Variants in TESK2 observed in about 807,000 individuals in gnomAD.
TESK2 encodes dual specificity testis-specific protein kinase 2.
Under a neutral mutation model 57.1 loss-of-function variants are expected in TESK2, and 39 were observed. The observed-to-expected ratio is 0.68, with a 90% CI of 0.53 to 0.89. The LOEUF is 0.89. TESK2 is among the 40% of genes least tolerant of loss of function. The pLI is 0.00. For synonymous variants in TESK2, 249 were observed against 267.9 expected, an observed-to-expected ratio of 0.93 and a Z score of 0.69; for missense variants, 646 against 732.1, an observed-to-expected ratio of 0.88 and a Z score of 1.36.
intron 1 of TESK2, among the ~76,000 whole-genome samples, chr1:45,466,493 A>C (rs1237889288): frequency 6.7e-6 from 1 of 149,512 alleles, no homozygotes; most frequent in Admixed American, 6.7e-5. Context: ...AAAAACAAAA[A>C]CAAAAATTAC....
chr1:45,425,982 T>TAA (rs542513828), intron 2 of TESK2, among the ~76,000 whole-genome samples: 13 of 142,594 alleles, frequency 9.1e-5, no homozygotes, highest in Non-Finnish European at 2.0e-4. Flanking sequence ...CTGTCTCTAC[T>TAA]AAAAAAAAAA....
chr1:45,345,070 T>G lies in TESK2; in HGVS notation c.1486A>C (p.Ile496Leu). The change falls in exon 11 of 11, where the codon ATC becomes CTC. Residue 496 changes from isoleucine to leucine, a missense_variant. Ile to Leu is a conservative substitution (Grantham distance 5). Coordinates refer to ENST00000372086, the MANE Select transcript of TESK2 (RefSeq NM_007170.3). Reference protein sequence around the residue: ...LSSLKYRVKEIPPFRASALPA... With the variant: ...LSSLKYRVKELPPFRASALPA... Reference sequence around the variant, plus strand: ...AGGGCAGATGCCCGGAATGGTGGGATCTCTTTAACTCTGTACTTGAGACTA... The same window carrying G: ...AGGGCAGATGCCCGGAATGGTGGGAGCTCTTTAACTCTGTACTTGAGACTA... 1 of 1,614,180 alleles carries G rather than the reference T, an allele frequency of 6.2e-7. No individual in the cohort carries two copies. The highest frequency in any genetic ancestry group is 8.5e-7 in the Non-Finnish European group (1 of 1,180,038).
At chr1:45,488,999 CA>C (rs1163553985) in intron 1 of TESK2, among the ~76,000 whole-genome samples, 1 of 151,970 alleles carries the variant, frequency 6.6e-6, no homozygotes, top group Admixed American at 6.6e-5. Context: ...CCCGTCTCTA[CA>C]AAAAATACAA....
chr1:45,409,076 T>G (rs1428486771), intron 3 of TESK2, among the ~76,000 whole-genome samples: 2 of 152,182 alleles, frequency 1.3e-5, no homozygotes, highest in African/African-American at 4.8e-5. Context: ...GCAAACTGGC[T>G]TGGTTCTAAT....
chr1:45,385,376 A>G, intron 4 of TESK2: 1 of 983,740 alleles, frequency 1.0e-6, no homozygotes, highest in Non-Finnish European at 1.2e-6. Context: ...GAGGCTGGAA[A>G]TGAAACGAGA....
chr1:45,437,720 T>C (rs1443833060), intron 2 of TESK2, among the ~76,000 whole-genome samples: 1 of 152,198 alleles, frequency 6.6e-6, no homozygotes, highest in Non-Finnish European at 1.5e-5. Flanking sequence ...GTATGTTCTG[T>C]CTATGACTAG....
chr1:45,421,145 C>T (rs560756348), intron 3 of TESK2, among the ~76,000 whole-genome samples: 18 of 152,120 alleles, frequency 1.2e-4, no homozygotes, highest in Admixed American at 2.6e-4. Flanking sequence ...GTTCCAGCTG[C>T]TCAGGAGTCT....
chr1:45,446,693 A>G (rs1338478661), intron 2 of TESK2, among the ~76,000 whole-genome samples: 1 of 152,188 alleles, frequency 6.6e-6, no homozygotes, highest in Non-Finnish European at 1.5e-5. Flanking sequence ...GTACAATCAA[A>G]GAGTAATTAT....
intron 2 of TESK2, among the ~76,000 whole-genome samples, chr1:45,452,349 ATC>A (rs1318625957): frequency 6.6e-6 from 1 of 152,184 alleles, no homozygotes; most frequent in Non-Finnish European, 1.5e-5. Flanking sequence ...ATAAGAAAGT[ATC>A]TAGAAGCCAA....
intron 2 of TESK2, among the ~76,000 whole-genome samples, chr1:45,434,448 C>T (rs946530618): frequency 8.5e-6 from 1 of 117,840 alleles, no homozygotes; most frequent in African/African-American, 2.7e-5. Flanking sequence ...TGCACCACTA[C>T]ATCCAGCTAT....
At chr1:45,452,953 G>A (rs1651926927) in intron 2 of TESK2, among the ~76,000 whole-genome samples, 1 of 152,066 alleles carries the variant, frequency 6.6e-6, no homozygotes, top group African/African-American at 2.4e-5. Context: ...TTGGGAGGCT[G>A]GGATGGGAGA....
intron 4 of TESK2, among the ~76,000 whole-genome samples, chr1:45,369,334 A>C (rs1171923594): frequency 6.6e-6 from 1 of 152,034 alleles, no homozygotes. Flanking sequence ...CCCCGTCTCT[A>C]CTAAAAATAC....
At chr1:45,360,106 C>G (rs1021198667) in intron 4 of TESK2, among the ~76,000 whole-genome samples, 7 of 152,102 alleles carry the variant, frequency 4.6e-5, no homozygotes, top group Admixed American at 2.0e-4. Flanking sequence ...GCTTGATAAT[C>G]CATCTTTGAA....
chr1:45,398,996 A>C (rs750426827), intron 3 of TESK2: 11 of 434,046 alleles, frequency 2.5e-5, no homozygotes, highest in African/African-American at 8.3e-5. Context: ...AAAAAAAAAA[A>C]AAAAAAAAAA....
intron 4 of TESK2, among the ~76,000 whole-genome samples, chr1:45,366,883 C>T (rs1238119929): frequency 6.6e-6 from 1 of 152,182 alleles, no homozygotes. Context: ...CCTGTAATCC[C>T]AGCACTTTTG....
At chr1:45,377,494 C>T (rs1648478895) in intron 4 of TESK2, among the ~76,000 whole-genome samples, 1 of 150,006 alleles carries the variant, frequency 6.7e-6, no homozygotes, top group Non-Finnish European at 1.5e-5. Flanking sequence ...TCCCGGCTCA[C>T]TGCCACCTCT....
chr1:45,489,822 C>G (rs1018385894), intron 1 of TESK2, among the ~76,000 whole-genome samples: 1 of 152,152 alleles, frequency 6.6e-6, no homozygotes, highest in Non-Finnish European at 1.5e-5. Context: ...AACCCTGAAA[C>G]TTAACTTGTT....
rs201269994 is a variant in TESK2, at chr1:45,450,219, TA to T, written c.222+7344del. Among the ~76,000 whole-genome samples, 86 of 152,346 alleles carry T rather than the reference TA, an allele frequency of 5.6e-4. No individual in the cohort carries two copies. In the East Asian group the frequency reaches 0.013, roughly 23 times the overall value. ...CAGAATATGGAAGAATTAATTTTTT[TA>T]AAATTAATAGGCTGGGCACAGTGGC... On this transcript the variant is annotated intron_variant, in intron 2 of 10. Transcript: ENST00000372086.
At chr1:45,484,828 G>C (rs974042841) in intron 1 of TESK2, among the ~76,000 whole-genome samples, 2 of 151,674 alleles carry the variant, frequency 1.3e-5, no homozygotes, top group African/African-American at 4.8e-5. Context: ...TCAGGAGATC[G>C]AGACCATCCT....
Sources: allele counts gnomAD v4.1 joint callset (sites outside exome capture counted in the v4.1 genomes callset), GRCh38; gene constraint gnomAD v4.1.1; transcripts MANE v1.5; gene names NCBI Gene and HGNC (gene_info 2026-07-23, HGNC 2026-07-21).